WDR91: variants seen among roughly 807,000 people sequenced by gnomAD.
WDR91 encodes the protein WD repeat domain 91.
WDR91 carries 52 observed loss-of-function variants against 88.4 expected under a neutral mutation model. The ratio of observed to expected loss-of-function variants is 0.59; its 90% CI spans 0.47 to 0.74. The LOEUF is 0.74. Among genes scored for constraint, WDR91 ranks in the 30% least tolerant of loss-of-function variants. The probability of loss-of-function intolerance (pLI) is 0.00; values close to 1 mark genes in which losing one functional copy is unlikely to be tolerated. For synonymous variants in WDR91, 362 were observed against 389.5 expected (o/e 0.93, Z 0.83); for missense variants, 824 against 954.5 (o/e 0.86, Z 1.80).
rs772735762 is a variant in WDR91, at chr7:135,189,381, C to A, written c.1731G>T (p.Leu577=). ...CTAFNHNGNL[L]VTGAADGVIR... The stretch of plus-strand genomic sequence containing the variant: ...TGACGCCATCAGCTGCCCCTGTGAC[C>A]AGCAGGTTCCCGTTGTGATTGAAGG... The change falls in exon 12 of 15, where the codon CTG becomes CTT. Residue 577 remains leucine (L), a synonymous_variant. Transcript: ENST00000354475. 2.5e-6 allele frequency: 4 copies of A among 1,613,860 alleles called. No homozygotes were observed. The highest frequency in any genetic ancestry group is 3.4e-6 in the Non-Finnish European group (4 of 1,179,878).
chr7:135,198,241 G>T, intron 6 of WDR91, 90 bp from the exon 7 acceptor site: 2 of 1,474,608 alleles, frequency 1.4e-6, no homozygotes, highest in Non-Finnish European at 1.8e-6. Context: ...GGGCGGGGGG[G>T]CGTGGTGGGT....
At chr7:135,190,030 A>G (rs1831103486) in intron 11 of WDR91, among the ~76,000 whole-genome samples, 1 of 152,266 alleles carries the variant, frequency 6.6e-6, no homozygotes, top group Non-Finnish European at 1.5e-5. Flanking sequence ...AAATACACAC[A>G]GAGTACTGAG....
chr7:135,209,032 G>A (rs1195753040), intron 2 of WDR91, 34 bp from the exon 3 acceptor site: 1 of 1,593,352 alleles, frequency 6.3e-7, no homozygotes, highest in Non-Finnish European at 8.6e-7. Context: ...AAGGAGGGAG[G>A]AGAGACAGAA....
chr7:135,195,226 T>C (rs1032670392), intron 8 of WDR91, 142 bp from the exon 9 acceptor site: 19 of 835,462 alleles, frequency 2.3e-5, no homozygotes, highest in Non-Finnish European at 2.9e-5. Context: ...AGGACTGGTA[T>C]AGACTATTTC....
In WDR91 at chr7:135,195,030, T is replaced by C; in HGVS notation, c.1299A>G (p.Lys433=). 1 of 1,614,112 alleles carries C rather than the reference T, an allele frequency of 6.2e-7. No individual in the cohort carries two copies. ...VASLDVDGVI[K]VWSFNPIMQT... ...GCATGATGGGGTTGAAGGACCACAC[T>C]TTGATGACCCCATCTACGTCTAAGC... The change falls in exon 9 of 15, where the codon AAA becomes AAG. Residue 433 remains lysine (K), a synonymous_variant. Transcript: ENST00000354475.
chr7:135,188,431 A>T lies in WDR91; in HGVS notation c.1881+2T>A, dbSNP rs1440976210. The T allele has an allele frequency of 2.5e-6, 4 of 1,613,392 alleles. No individual in the cohort carries two copies. The African/African-American group carries it at 5.3e-5, about 22-fold the overall frequency. On this transcript the variant is annotated splice_donor_variant, in intron 13 of 14. Coordinates refer to ENST00000354475, the MANE Select transcript of WDR91 (RefSeq NM_014149.4). LOFTEE classifies it high-confidence loss of function. ...TCTTATCTGAATCCTGCAGCCGCCTACCTTCCCGTCCTCGCCGATGCTGTA... is the reference window on the plus strand; with the variant it reads ...TCTTATCTGAATCCTGCAGCCGCCTTCCTTCCCGTCCTCGCCGATGCTGTA...
chr7:135,209,036 G>A, intron 2 of WDR91, 38 bp from the exon 3 acceptor site: 1 of 1,587,276 alleles, frequency 6.3e-7, no homozygotes, highest in East Asian at 2.2e-5. Flanking sequence ...AGGGAGGAGA[G>A]ACAGAAATCC....
In WDR91 at chr7:135,196,954, A is replaced by C. The variant is rs1330771981; in HGVS notation, c.1051-617T>G. The C allele has an allele frequency of 6.6e-6, 1 of 152,386 alleles. No homozygotes were observed. Among genetic ancestry groups the C allele is most frequent in the Non-Finnish European group, 1.5e-5 (1 of 68,202 alleles). The allele number at this position is 152,386 out of a possible 1,614,324, so 9.4% of individuals were successfully genotyped here. On this transcript the variant is annotated intron_variant, in intron 7 of 14. Transcript: ENST00000354475. The surrounding 1 kb of genome is among the most constrained non-coding windows in gnomAD (Gnocchi z 4.2). ...AACAGACACAACTGGCCAGGAAGAA[A>C]GACAGAGACCCAAGGGCCACTGGGG...
intron 13 of WDR91, among the ~76,000 whole-genome samples, chr7:135,187,940 CT>C (rs1230214686): frequency 6.6e-6 from 1 of 152,234 alleles, no homozygotes; most frequent in African/African-American, 2.4e-5. Context: ...ATCTCTGCCC[CT>C]GCCAGCTCCC....
chr7:135,183,891 G>C lies in WDR91; in HGVS notation c.*2260C>G, dbSNP rs1585393923. 1 of 151,810 alleles carries C rather than the reference G, an allele frequency of 6.6e-6. No homozygotes were observed. Among genetic ancestry groups the C allele is most frequent in the African/African-American group, 2.4e-5 (1 of 41,078 alleles). 9.4% of individuals were successfully genotyped at this position (151,810 alleles called of 1,614,324 possible). Reference sequence around the variant, plus strand: ...CGAGCGCTCACCCGGGATGGAGTAAGAAGTGGGATGGGAGAAGCGTAGGGT... The same window carrying C: ...CGAGCGCTCACCCGGGATGGAGTAACAAGTGGGATGGGAGAAGCGTAGGGT... On this transcript the variant is annotated 3_prime_UTR_variant, in exon 15 of 15. Transcript: ENST00000354475.
intron 8 of WDR91, among the ~76,000 whole-genome samples, chr7:135,195,784 T>C (rs1318353969): frequency 3.3e-5 from 5 of 152,068 alleles, no homozygotes; most frequent in Admixed American, 6.5e-5. Flanking sequence ...CCGTCTCTAC[T>C]ACAAATATAA....
Position 135,193,412 on chromosome 7 carries a change from T to TG in WDR91, c.1491-14dup. On this transcript the variant is annotated splice_polypyrimidine_tract_variant and intron_variant, in intron 10 of 14. Coordinates refer to ENST00000354475, the MANE Select transcript of WDR91 (RefSeq NM_014149.4). Reference sequence around the variant, plus strand: ...AAGAGACAGGATTCTGCAACACACATGGGCCTGGGTCAGACCCTCTGCCTG... The same window carrying TG: ...AAGAGACAGGATTCTGCAACACACATGGGGCCTGGGTCAGACCCTCTGCCTG... The TG allele has an allele frequency of 6.2e-7, 1 of 1,613,664 alleles. No homozygotes were observed. The highest frequency in any genetic ancestry group is 8.5e-7 in the Non-Finnish European group (1 of 1,179,748).
At position 135,187,175 on chromosome 7, in the gene WDR91, G is replaced by C; in HGVS notation, c.1882-6C>G. On this transcript the variant is annotated splice_region_variant and splice_polypyrimidine_tract_variant and intron_variant, in intron 13 of 14. Transcript: ENST00000354475. ...TGGATGTTCCACTGGATGAACTGCA[G>C]TCACAGGGCACAAGCAGGGTGCTCG... The C allele has an allele frequency of 6.2e-7, 1 of 1,614,070 alleles. No individual in the cohort carries two copies. The highest frequency in any genetic ancestry group is 1.1e-5 in the South Asian group (1 of 91,088).
chr7:135,189,764 A>C (rs1487431472), intron 11 of WDR91, among the ~76,000 whole-genome samples: 1 of 152,248 alleles, frequency 6.6e-6, no homozygotes, highest in African/African-American at 2.4e-5. Context: ...TTCCAAGCAA[A>C]TTCTCATTGA....
At position 135,184,325 on chromosome 7, in the gene WDR91, C is replaced by T. The variant is rs1186052952; in HGVS notation, c.*1826G>A. The T allele has an allele frequency of 6.6e-6, 1 of 152,190 alleles. No individual in the cohort carries two copies. The highest frequency in any genetic ancestry group is 1.5e-5 in the Non-Finnish European group (1 of 68,032). The allele number at this position is 152,190 out of a possible 1,614,324, so 9.4% of individuals were successfully genotyped here. ...CAATTTCTTCGTGCTTTTCCTCAAG[C>T]AGGTAACTAGGAGTATCCCTACTCC... is the stretch of plus-strand genomic sequence containing the variant. On this transcript the variant is annotated 3_prime_UTR_variant, in exon 15 of 15. Transcript: ENST00000354475.
chr7:135,190,717 A>T lies in WDR91; in HGVS notation c.1660-1265T>A, dbSNP rs540570293. Among the ~76,000 whole-genome samples, 40 of 152,362 alleles carry T rather than the reference A, an allele frequency of 2.6e-4. No individual in the cohort carries two copies. In the South Asian group the frequency reaches 2.7e-3, roughly 10 times the overall value. On this transcript the variant is annotated intron_variant, in intron 11 of 14. Coordinates refer to ENST00000354475, the MANE Select transcript of WDR91 (RefSeq NM_014149.4). The stretch of plus-strand genomic sequence containing the variant: ...AGCTTCTAAAAATGAGAAACACAAT[A>T]ACTGAAATTACCATCCTAATAAATA...
intron 4 of WDR91, 165 bp downstream of exon 4, chr7:135,206,955 T>C (rs1275416479): frequency 2.6e-6 from 1 of 378,940 alleles, no homozygotes; most frequent in Non-Finnish European, 5.0e-6. Context: ...CAGAGACTGT[T>C]ACTCTCCAAA....
chr7:135,209,863 T>A lies in WDR91; in HGVS notation c.124-108A>T, dbSNP rs576595361. The A allele has an allele frequency of 2.8e-5, 28 of 1,004,450 alleles. No individual in the cohort carries two copies. In the South Asian group the frequency reaches 3.3e-4, roughly 12 times the overall value. 62.2% of individuals were successfully genotyped at this position (1,004,450 alleles called of 1,614,324 possible). Reference sequence around the variant, plus strand: ...CATGGCTTCTGGGTGTAAAAAAAAATTTGTAAGTTAGCAATCTATAAAATT... The same window carrying A: ...CATGGCTTCTGGGTGTAAAAAAAAAATTGTAAGTTAGCAATCTATAAAATT... On this transcript the variant is annotated intron_variant, in intron 1 of 14. Coordinates refer to ENST00000354475, the MANE Select transcript of WDR91 (RefSeq NM_014149.4).
intron 12 of WDR91, 133 bp downstream of exon 12, chr7:135,189,211 T>G (rs998193813): frequency 1.9e-5 from 13 of 670,584 alleles, no homozygotes; most frequent in Non-Finnish European, 3.1e-5. Context: ...AAAGTTAAGC[T>G]GTAGTACATG....
Sources: allele counts gnomAD v4.1 joint callset (sites outside exome capture counted in the v4.1 genomes callset), GRCh38; gene constraint gnomAD v4.1.1; non-coding constraint Gnocchi (gnomAD v3.1); transcripts MANE v1.5; gene names NCBI Gene and HGNC (gene_info 2026-07-23, HGNC 2026-07-21).